RAB8B: variants seen among roughly 807,000 people sequenced by gnomAD.
The protein encoded by RAB8B is ras-related protein Rab-8B.
RAB8B carries 11 observed loss-of-function variants against 32.0 expected under a neutral mutation model. That is an observed-to-expected ratio of 0.34 (90% CI 0.22 to 0.57). The LOEUF is 0.57. RAB8B is among the 20% of genes least tolerant of loss of function. The pLI is 0.86. For missense variants in RAB8B, 190 were observed against 258.5 expected, an observed-to-expected ratio of 0.73 and a Z score of 1.82; for synonymous variants, 103 against 89.6, an observed-to-expected ratio of 1.15 and a Z score of -0.85.
At chr15:63,193,667 C>T (rs539899510) in intron 1 of RAB8B, among the ~76,000 whole-genome samples, 11 of 151,832 alleles carry the variant, frequency 7.2e-5, no homozygotes, top group Non-Finnish European at 1.3e-4. Context: ...AAAAATTAGC[C>T]GGGGGTGGCA....
intron 2 of RAB8B, among the ~76,000 whole-genome samples, chr15:63,247,305 G>A (rs1359299930): frequency 6.6e-6 from 1 of 152,172 alleles, no homozygotes; most frequent in East Asian, 1.9e-4. Context: ...ACATATAAAT[G>A]TTGGAGGAAC....
rs75972851 is a variant in RAB8B, at chr15:63,193,948, T to C, written c.124+4200T>C. On this transcript the variant is annotated intron_variant, in intron 1 of 7. Transcript: ENST00000321437. The stretch of plus-strand genomic sequence containing the variant: ...GGAAATGGATGCATTTTAATATTGA[T>C]ATGAGGGCATACCGACGTCTTGAAA... Among the ~76,000 whole-genome samples, 657 of 152,298 alleles carry C rather than the reference T, an allele frequency of 4.3e-3. 3 individuals carry two copies. The highest frequency in any genetic ancestry group is 0.015 in the African/African-American group (634 of 41,564).
rs563863501 is a variant in RAB8B at position 63,250,668 on chromosome 15, T to A, written c.246+963T>A. Among the ~76,000 whole-genome samples the A allele has an allele frequency of 1.6e-4, 24 of 151,912 alleles. No individual in the cohort carries two copies. In the South Asian group the frequency reaches 4.8e-3, roughly 30 times the overall value. Reference sequence around the variant, plus strand: ...CAGCTTGGAAGCTGCCTTACTTCCATGAGCTGTGCTTAACCATGCTTAGAA... The same window carrying A: ...CAGCTTGGAAGCTGCCTTACTTCCAAGAGCTGTGCTTAACCATGCTTAGAA... On this transcript the variant is annotated intron_variant, in intron 3 of 7. Transcript: ENST00000321437.
At chr15:63,228,777 G>T (rs2037909903) in intron 1 of RAB8B, among the ~76,000 whole-genome samples, 1 of 152,118 alleles carries the variant, frequency 6.6e-6, no homozygotes, top group Non-Finnish European at 1.5e-5. Context: ...CTAAGATTTT[G>T]CAAGGGCAGC....
At chr15:63,239,362 C>G (rs2038011699) in intron 1 of RAB8B, among the ~76,000 whole-genome samples, 1 of 150,480 alleles carries the variant, frequency 6.6e-6, no homozygotes, top group Admixed American at 6.6e-5. Flanking sequence ...AATAAGATTT[C>G]TCAGCATCCT....
rs992952062 is a variant in RAB8B, at chr15:63,263,782, G to T, written c.*163G>T. ...ATGCCAAGTGGATTCCAGCCTCATGGCCTAGCAAAAGAACAGACTCCCTTT... is the reference window on the plus strand; with the variant it reads ...ATGCCAAGTGGATTCCAGCCTCATGTCCTAGCAAAAGAACAGACTCCCTTT... On this transcript the variant is annotated 3_prime_UTR_variant, in exon 8 of 8. Transcript: ENST00000321437. 2.3e-4 allele frequency: 123 copies of T among 526,290 alleles called. 1 individual carries two copies. Among genetic ancestry groups the T allele is most frequent in the Non-Finnish European group, 1.5e-4 (45 of 297,566 alleles). 32.6% of individuals were successfully genotyped at this position (526,290 alleles called of 1,614,324 possible). A position where few individuals can be genotyped will look rare whatever the true frequency, so the allele number is the denominator to read the frequency against.
At chr15:63,251,835 C>T (rs1277399355) in intron 3 of RAB8B, among the ~76,000 whole-genome samples, 1 of 152,138 alleles carries the variant, frequency 6.6e-6, no homozygotes, top group Non-Finnish European at 1.5e-5. Flanking sequence ...TTGGATCTCT[C>T]AAGTCATCCA....
chr15:63,245,193 G>A (rs2038061441), intron 2 of RAB8B, among the ~76,000 whole-genome samples: 1 of 152,206 alleles, frequency 6.6e-6, no homozygotes, highest in African/African-American at 2.4e-5. Context: ...ACAGATCTAG[G>A]TTCTAGCCAG....
chr15:63,256,162 A>G (rs969684406), intron 4 of RAB8B, among the ~76,000 whole-genome samples: 1 of 152,256 alleles, frequency 6.6e-6, no homozygotes, highest in African/African-American at 2.4e-5. Flanking sequence ...AAAATAGTAC[A>G]GAATCTAGAA....
chr15:63,235,980 C>G (rs1567016850), intron 1 of RAB8B, among the ~76,000 whole-genome samples: 1 of 152,070 alleles, frequency 6.6e-6, no homozygotes, highest in Admixed American at 6.6e-5. Flanking sequence ...TGTACGTCTC[C>G]CTTTGGGAAG....
chr15:63,210,558 C>A (rs1299960959), intron 1 of RAB8B, among the ~76,000 whole-genome samples: 1 of 152,216 alleles, frequency 6.6e-6, no homozygotes, highest in Non-Finnish European at 1.5e-5. Flanking sequence ...GTCCAGGTAC[C>A]TTCCACCTCC....
At chr15:63,251,939 C>T (rs1315714618) in intron 3 of RAB8B, among the ~76,000 whole-genome samples, 1 of 152,046 alleles carries the variant, frequency 6.6e-6, no homozygotes, top group African/African-American at 2.4e-5. Context: ...TTGACAAGCA[C>T]TATACTGGAG....
chr15:63,242,098 C>T (rs1282411510), intron 1 of RAB8B, among the ~76,000 whole-genome samples: 1 of 150,276 alleles, frequency 6.7e-6, no homozygotes, highest in African/African-American at 2.4e-5. Flanking sequence ...TTTGCAGCAA[C>T]CTAATATTTA....
intron 1 of RAB8B, among the ~76,000 whole-genome samples, chr15:63,214,965 A>G (rs1165323534): frequency 6.6e-6 from 1 of 152,144 alleles, no homozygotes; most frequent in Non-Finnish European, 1.5e-5. Context: ...CTTCCACCTC[A>G]TTCTTATGGA....
chr15:63,261,139 G>A (rs186552086), intron 6 of RAB8B, among the ~76,000 whole-genome samples: 127 of 152,208 alleles, frequency 8.3e-4, no homozygotes, highest in Non-Finnish European at 1.4e-3. Context: ...CTCAAAAGAA[G>A]ACAAATAAAT....
chr15:63,229,780 C>CAAAAA (rs56015501), intron 1 of RAB8B, among the ~76,000 whole-genome samples: 1,190 of 35,818 alleles, frequency 0.033, 439 homozygotes, highest in East Asian at 0.054. Context: ...GACGCTGTTT[C>CAAAAA]AAAAAAAAAA....
chr15:63,240,836 TAGA>T (rs914157422), intron 1 of RAB8B, among the ~76,000 whole-genome samples: 9 of 141,516 alleles, frequency 6.4e-5, no homozygotes, highest in Non-Finnish European at 1.2e-4. Context: ...CCTCTGTCAG[TAGA>T]AGGTTTTTGA....
chr15:63,255,585 G>A lies in RAB8B; in HGVS notation c.324+1G>A. 6.3e-7 allele frequency: 1 copy of A among 1,588,294 alleles called. No homozygotes were observed. The stretch of plus-strand genomic sequence containing the variant: ...AAATTGGATCAGAAACATTGAAGAG[G>A]TATGTGTGGAAAGAGAATGGTGACA... On this transcript the variant is annotated splice_donor_variant, in intron 4 of 7. Transcript: ENST00000321437. LOFTEE classifies it high-confidence loss of function.
intron 1 of RAB8B, among the ~76,000 whole-genome samples, chr15:63,216,234 A>C (rs146054382): frequency 7.5e-6 from 1 of 133,284 alleles, no homozygotes; most frequent in Admixed American, 7.9e-5. Flanking sequence ...ATTAATTATT[A>C]TTTTTTTTTT....
Sources: allele counts gnomAD v4.1 joint callset (sites outside exome capture counted in the v4.1 genomes callset), GRCh38; gene constraint gnomAD v4.1.1; transcripts MANE v1.5; gene names NCBI Gene and HGNC (gene_info 2026-07-23, HGNC 2026-07-21).